Variants in HYDIN observed in about 807,000 individuals in gnomAD.
The protein encoded by HYDIN is HYDIN axonemal central pair apparatus protein, also known as axonemal central pair apparatus protein HYDIN.
In HYDIN, 132 loss-of-function variants were observed where a neutral mutation model predicts 403.9. That is an observed-to-expected ratio of 0.33 (90% confidence interval 0.28 to 0.38). HYDIN has a LOEUF of 0.38. Among genes scored for constraint, HYDIN ranks in the 10% least tolerant of loss-of-function variants. The pLI is 1.00. For missense variants in HYDIN, 2,827 were observed against 5,009.5 expected, an observed-to-expected ratio of 0.56 and a Z score of 13.15; for synonymous variants, 1,202 against 1,891.7, an observed-to-expected ratio of 0.64 and a Z score of 9.46.
intron 18 of HYDIN, among the ~76,000 whole-genome samples, chr16:71,043,894 G>C (rs1354604739): frequency 6.7e-6 from 1 of 149,226 alleles, no homozygotes; most frequent in African/African-American, 2.5e-5. Flanking sequence ...CTCAAGACCA[G>C]CCTGGGTAAA....
chr16:71,141,861 G>A (rs201859030), intron 7 of HYDIN, among the ~76,000 whole-genome samples: 3 of 152,030 alleles, frequency 2.0e-5, no homozygotes, highest in Admixed American at 6.6e-5. Flanking sequence ...GACACTGTAC[G>A]AAGCTGCTCA....
At chr16:71,039,088 A>C (rs1597614789) in intron 18 of HYDIN, among the ~76,000 whole-genome samples, 1 of 151,354 alleles carries the variant, frequency 6.6e-6, no homozygotes, top group East Asian at 2.0e-4. Context: ...GAGGCAATTT[A>C]AGGTCATAAT....
At position 70,908,879 on chromosome 16, in the gene HYDIN, A is replaced by G. The variant is rs375798795; in HGVS notation, c.8005-18T>C. The G allele has an allele frequency of 9.9e-6, 16 of 1,610,048 alleles. No homozygotes were observed. In the African/African-American group the frequency reaches 2.1e-4, roughly 22 times the overall value. On this transcript the variant is annotated intron_variant, in intron 47 of 85. Coordinates refer to ENST00000393567, the MANE Select transcript of HYDIN (RefSeq NM_001270974.2). ...TCTTGAGCCTTAATTAAAAACGAGC[A>G]TGAGGTCTTAAATATTCACTTTTTG...
intron 12 of HYDIN, among the ~76,000 whole-genome samples, chr16:71,085,526 G>A (rs945202700): frequency 2.0e-5 from 3 of 151,014 alleles, no homozygotes; most frequent in Non-Finnish European, 4.4e-5. Context: ...GTGATCTTCT[G>A]CTTAGTTTTT....
intron 18 of HYDIN, among the ~76,000 whole-genome samples, chr16:71,033,197 G>C (rs1331679119): frequency 6.6e-6 from 1 of 152,176 alleles, no homozygotes; most frequent in East Asian, 1.9e-4. Context: ...GAATTCATAA[G>C]GAGGCCAGAG....
intron 10 of HYDIN, among the ~76,000 whole-genome samples, chr16:71,110,456 AAT>A (rs1284924968): frequency 1.4e-5 from 2 of 142,548 alleles, no homozygotes; most frequent in African/African-American, 5.2e-5. Context: ...ATAATATATA[AAT>A]ATATATAAAC....
intron 66 of HYDIN, 121 bp downstream of exon 66, chr16:70,868,449 G>T (rs1384707993): frequency 3.5e-6 from 5 of 1,423,476 alleles, no homozygotes; most frequent in Middle Eastern, 2.6e-4. Flanking sequence ...TGGAGTCAAG[G>T]TCAAGTAGAA....
At chr16:71,211,300 G>C (rs1348780758) in intron 1 of HYDIN, among the ~76,000 whole-genome samples, 2 of 152,124 alleles carry the variant, frequency 1.3e-5, no homozygotes, top group African/African-American at 4.8e-5. Context: ...GCTAGGCTTG[G>C]GGTATTCCCA....
chr16:71,012,691 G>A (rs1320424287), intron 23 of HYDIN, among the ~76,000 whole-genome samples: 4 of 152,142 alleles, frequency 2.6e-5, no homozygotes, highest in Admixed American at 6.5e-5. Context: ...TTACACTTCT[G>A]TTTCTTTTAC....
In HYDIN at chr16:70,802,304, T is replaced by C. The variant is rs1430660715; in HGVS notation, c.*5276A>G. 1 of 152,230 alleles carries C rather than the reference T, an allele frequency of 6.6e-6. No individual in the cohort carries two copies. Among genetic ancestry groups the C allele is most frequent in the African/African-American group, 2.4e-5 (1 of 41,448 alleles). 9.4% of individuals were successfully genotyped at this position (152,230 alleles called of 1,614,324 possible). On this transcript the variant is annotated 3_prime_UTR_variant, in exon 86 of 86. Transcript: ENST00000393567. ...CAAGACTTGTAAATATGATGGGCTA[T>C]GCATCACTCACATGATTATATTATG...
chr16:71,018,756 G>T (rs2080353800), intron 22 of HYDIN, among the ~76,000 whole-genome samples: 1 of 152,308 alleles, frequency 6.6e-6, no homozygotes, highest in East Asian at 1.9e-4. Flanking sequence ...TAAGTGTTGT[G>T]TGGGGTTATA....
intron 28 of HYDIN, among the ~76,000 whole-genome samples, chr16:70,982,254 A>C (rs1317423371): frequency 6.6e-6 from 1 of 151,910 alleles, no homozygotes; most frequent in East Asian, 1.9e-4. Context: ...GAAATTAACA[A>C]TTTCCTAGAA....
chr16:71,092,294 A>G (rs1330205107), intron 11 of HYDIN, among the ~76,000 whole-genome samples: 3 of 152,008 alleles, frequency 2.0e-5, no homozygotes, highest in African/African-American at 7.3e-5. Context: ...CCCTTCCACA[A>G]TCTTGTAGAC....
intron 1 of HYDIN, among the ~76,000 whole-genome samples, chr16:71,217,549 T>TAA: frequency 6.6e-6 from 1 of 152,196 alleles, no homozygotes; most frequent in East Asian, 1.9e-4. Flanking sequence ...GACTCATTTT[T>TAA]AAAGGTCAAT....
At chr16:71,174,059 A>G (rs949369020) in intron 5 of HYDIN, among the ~76,000 whole-genome samples, 2 of 152,202 alleles carry the variant, frequency 1.3e-5, no homozygotes, top group African/African-American at 2.4e-5. Context: ...TCCAGAAAAA[A>G]TGAGGACTTC....
intron 5 of HYDIN, among the ~76,000 whole-genome samples, chr16:71,163,830 T>G (rs1361875809): frequency 1.3e-5 from 2 of 152,234 alleles, no homozygotes; most frequent in Non-Finnish European, 1.5e-5. Context: ...AAGTGCTTAT[T>G]ATTTTAAGCC....
At chr16:71,069,545 C>T (rs746816008) in intron 13 of HYDIN, 43 bp from the exon 14 acceptor site, 2 of 1,506,308 alleles carry the variant, frequency 1.3e-6, no homozygotes, top group East Asian at 2.3e-5. Flanking sequence ...GCCCCCCCAA[C>T]ACCTCCCTTG....
chr16:71,188,304 C>G (rs1043133176), intron 1 of HYDIN, among the ~76,000 whole-genome samples: 7 of 151,994 alleles, frequency 4.6e-5, no homozygotes, highest in African/African-American at 9.7e-5. Flanking sequence ...TGTTTGGGAG[C>G]CTGCCCTGCT....
chr16:70,860,958 T>C, intron 69 of HYDIN, 57 bp from the exon 70 acceptor site: 1 of 924,720 alleles, frequency 1.1e-6, no homozygotes, highest in Non-Finnish European at 1.7e-6. Context: ...GTTGCTTTCT[T>C]AGTTGGTTGG....
Sources: allele counts gnomAD v4.1 joint callset (sites outside exome capture counted in the v4.1 genomes callset), GRCh38; gene constraint gnomAD v4.1.1; transcripts MANE v1.5; gene names NCBI Gene and HGNC (gene_info 2026-07-23, HGNC 2026-07-21).